IRX4: variants seen among roughly 807,000 people sequenced by gnomAD.
IRX4 encodes the protein iroquois homeobox 4.
IRX4 carries 22 observed loss-of-function variants against 32.0 expected under a neutral mutation model. The ratio of observed to expected loss-of-function variants is 0.69; its 90% CI spans 0.49 to 0.98. IRX4 has a LOEUF of 0.98. Ranked by LOEUF, IRX4 falls within the 50% of genes least tolerant of loss-of-function variation. The pLI, the probability that IRX4 is intolerant of heterozygous loss-of-function variation, is 0.00. For missense variants in IRX4, 840 were observed against 744.2 expected (o/e 1.13, Z -1.50); for synonymous variants, 379 against 351.7 (o/e 1.08, Z -0.87).
rs577472404 is a variant in IRX4, at chr5:1,877,638, C to A, written c.*331G>T. The A allele has an allele frequency of 6.0e-6, 2 of 334,390 alleles. No homozygotes were observed. The highest frequency in any genetic ancestry group is 5.1e-5 in the South Asian group (1 of 19,434). 20.7% of individuals were successfully genotyped at this position (334,390 alleles called of 1,614,324 possible). A position where few individuals can be genotyped will look rare whatever the true frequency, so the allele number is the denominator to read the frequency against. ...GCCTCACGCCCAGGGGACAGCAGACCACGCTTCAGAACGGAACCGCCTTCT... is the reference window on the plus strand; with the variant it reads ...GCCTCACGCCCAGGGGACAGCAGACAACGCTTCAGAACGGAACCGCCTTCT... On this transcript the variant is annotated 3_prime_UTR_variant, in exon 5 of 5. Coordinates refer to ENST00000231357, the MANE Select transcript of IRX4 (RefSeq NM_016358.3).
rs1332643776 is a variant in IRX4 at position 1,878,457 on chromosome 5, C to T, written c.1072G>A (p.Ala358Thr). The T allele has an allele frequency of 6.9e-7, 1 of 1,456,382 alleles. No homozygotes were observed. The highest frequency in any genetic ancestry group is 1.4e-5 in the South Asian group (1 of 70,880). The allele number at this position is 1,456,382 out of a possible 1,614,324, so 90.2% of individuals were successfully genotyped here. A position where few individuals can be genotyped will look rare whatever the true frequency, so the allele number is the denominator to read the frequency against. ...EAKLGFVPAG[A>T]SAGLEAKPRI... ...GGCTTAGCCTCCAGGCCTGCCGACG[C>T]CCCCGCCGGCACAAACCCCAGCTTG... Residue 358 changes from alanine (A) to threonine (T), a missense_variant, in exon 5 of 5, where the codon GCG becomes ACG. By Grantham distance (58) the Ala-to-Thr change is moderately conservative. Around this residue, in one of 3 missense-constraint regions of IRX4, gnomAD observed 585 missense variants for 488.0 expected, o/e 1.20. Coordinates refer to ENST00000231357, the MANE Select transcript of IRX4 (RefSeq NM_016358.3).
chr5:1,877,873 G>T lies in IRX4; in HGVS notation c.*96C>A. ...CTCTCCGGTGGGTTGGCGGCTTCGC[G>T]GTGGCCGCGCTAGTCTTCCTCTGGA... On this transcript the variant is annotated 3_prime_UTR_variant, in exon 5 of 5. Coordinates refer to ENST00000231357, the MANE Select transcript of IRX4 (RefSeq NM_016358.3). The T allele has an allele frequency of 8.5e-7, 1 of 1,181,626 alleles. No individual in the cohort carries two copies. Among genetic ancestry groups the T allele is most frequent in the East Asian group, 2.8e-5 (1 of 35,190 alleles). The allele number at this position is 1,181,626 out of a possible 1,614,324, so 73.2% of individuals were successfully genotyped here.
intron 3 of IRX4, among the ~76,000 whole-genome samples, chr5:1,880,369 A>G (rs1735384361): frequency 6.6e-6 from 1 of 152,208 alleles, no homozygotes; most frequent in Non-Finnish European, 1.5e-5. Flanking sequence ...TTCCCACTGT[A>G]GGGGCAGTGT....
In IRX4 at chr5:1,882,888, G is replaced by A. The variant is rs1356615810; in HGVS notation, c.-241C>T. The A allele has an allele frequency of 2.3e-5, 9 of 385,972 alleles. No individual in the cohort carries two copies. The highest frequency in any genetic ancestry group is 9.0e-5 in the Admixed American group (2 of 22,254). 23.9% of individuals were successfully genotyped at this position (385,972 alleles called of 1,614,324 possible). A position where few individuals can be genotyped will look rare whatever the true frequency, so the allele number is the denominator to read the frequency against. ...GGAGGCTCGAGGGGGCTCTGGGACC[G>A]AGCGGCCTCGCAGCGGCGACAGAAA... On this transcript the variant is annotated 5_prime_UTR_variant, in exon 1 of 5. Coordinates refer to ENST00000231357, the MANE Select transcript of IRX4 (RefSeq NM_016358.3).
rs374621441 is a variant in IRX4 at position 1,881,904 on chromosome 5, G to A, written c.201C>T (p.Ala67=). 1.1e-5 allele frequency: 17 copies of A among 1,584,572 alleles called. No homozygotes were observed. In the Admixed American group the frequency reaches 2.6e-4, roughly 25 times the overall value. The change falls in exon 2 of 5, where the codon GCC becomes GCT. Residue 67 remains alanine (A), a synonymous_variant. Coordinates refer to ENST00000231357, the MANE Select transcript of IRX4 (RefSeq NM_016358.3). ...LATARHELNS[A]AALGVYGGPY... is the part of the protein sequence containing the mutation. Reference sequence around the variant, plus strand: ...GACCCCCATAGACGCCCAGCGCCGCGGCCGAGTTGAGCTCGTGGCGCGCGG... The same window carrying A: ...GACCCCCATAGACGCCCAGCGCCGCAGCCGAGTTGAGCTCGTGGCGCGCGG...
Position 1,877,931 on chromosome 5 carries a change from G to C in IRX4, c.*38C>G. ...TGAAAAGAGTCGGCGCCGTCCGCCT[G>C]AGCGCGGGTTCCCTCCTGGGCTCGG... is the stretch of plus-strand genomic sequence containing the variant. On this transcript the variant is annotated 3_prime_UTR_variant, in exon 5 of 5. Transcript: ENST00000231357. The C allele has an allele frequency of 6.8e-7, 1 of 1,472,060 alleles. No homozygotes were observed. The highest frequency in any genetic ancestry group is 9.0e-7 in the Non-Finnish European group (1 of 1,106,662). 91.2% of individuals were successfully genotyped at this position (1,472,060 alleles called of 1,614,324 possible).
rs1048121863 is a variant in IRX4 at position 1,879,786 on chromosome 5, C to T, written c.454G>A (p.Glu152Lys). Residue 152 changes from glutamate to lysine, a missense_variant, in exon 4 of 5, where the codon GAG (glutamate) becomes AAG (lysine). Coordinates refer to ENST00000231357, the MANE Select transcript of IRX4 (RefSeq NM_016358.3). ...SGTRRKNATR[E>K]TTSTLKAWLQ... is the part of the protein sequence containing the mutation. ...CAGGCCTTGAGCGTGCTGGTGGTCT[C>T]GCGCGTGGCGTTCTTGCGCCGCGTG... 6 of 1,614,118 alleles carry T rather than the reference C, an allele frequency of 3.7e-6. No individual in the cohort carries two copies. Among genetic ancestry groups the T allele is most frequent in the African/African-American group, 2.7e-5 (2 of 75,060 alleles).
At chr5:1,884,933 C>G (rs1735580689), upstream of IRX4, among the ~76,000 whole-genome samples, 1 of 152,010 alleles carries the variant, frequency 6.6e-6, no homozygotes, top group African/African-American at 2.4e-5. Flanking sequence ...ACTACTCGCT[C>G]TCTCCAGGTA....
At chr5:1,880,188 A>G (rs1735379379) in intron 3 of IRX4, 28 of 1,447,642 alleles carry the variant, frequency 1.9e-5, no homozygotes, top group Non-Finnish European at 2.6e-5. Flanking sequence ...ACACCCTGAG[A>G]TGTAACACGT....
At chr5:1,886,258 G>C (rs1281537085), upstream of IRX4, among the ~76,000 whole-genome samples, 1 of 152,250 alleles carries the variant, frequency 6.6e-6, no homozygotes, top group Non-Finnish European at 1.5e-5. Context: ...CGCACCAAGA[G>C]CTCGTCCGGA....
rs1485494364 is a variant in IRX4 at position 1,878,293 on chromosome 5, C to A, written c.1236G>T (p.Thr412=). 6.3e-7 allele frequency: 1 copy of A among 1,587,546 alleles called. No homozygotes were observed. The highest frequency in any genetic ancestry group is 1.8e-5 in the Admixed American group (1 of 56,658). The stretch of plus-strand genomic sequence containing the variant: ...AGTGGGGAAGGGCCACAGACGGGGA[C>A]GTGGCGGGCGCGGAGGACACAGCCG... ...APAAVSSAPA[T]SPSVALPHSG... The change falls in exon 5 of 5, where the codon ACG becomes ACT. Residue 412 remains threonine (T), a synonymous_variant. Transcript: ENST00000231357.
At chr5:1,880,455 C>T (rs1254923998) in intron 3 of IRX4, among the ~76,000 whole-genome samples, 1 of 152,202 alleles carries the variant, frequency 6.6e-6, no homozygotes, top group Non-Finnish European at 1.5e-5. Context: ...TTCGACTTCC[C>T]TGAAAGCTGC....
intron 4 of IRX4, 75 bp downstream of exon 4, chr5:1,879,429 C>G: frequency 6.3e-7 from 1 of 1,599,702 alleles, no homozygotes; most frequent in Non-Finnish European, 8.5e-7. Flanking sequence ...ACCCCCAAGA[C>G]GTCCTAGAAC....
At chr5:1,880,023 C>T (rs1735374734) in intron 3 of IRX4, 191 bp from the exon 4 acceptor site, 1 of 1,518,462 alleles carries the variant, frequency 6.6e-7, no homozygotes, top group Non-Finnish European at 8.8e-7. Context: ...TGGCACTTGT[C>T]TTCTGTGGCC....
At chr5:1,878,929 C>T in intron 4 of IRX4, 137 bp from the exon 5 acceptor site, 1 of 874,994 alleles carries the variant, frequency 1.1e-6, no homozygotes. Context: ...TCTCCCATTT[C>T]CTCCAGAGGC....
chr5:1,879,592 G>T lies in IRX4; in HGVS notation c.648C>A (p.Asp216Glu), dbSNP rs778606713. ...MTWPPRNKCA[D>E]EKRPYAEGEE... ...CGCCCTCCGCGTAGGGCCGCTTCTC[G>T]TCTGCGCACTTGTTCCGCGGCGGCC... Residue 216 changes from aspartate (D) to glutamate (E), a missense_variant, in exon 4 of 5, where the codon GAC becomes GAA. Transcript: ENST00000231357. 9 of 1,613,792 alleles carry T rather than the reference G, an allele frequency of 5.6e-6. No homozygotes were observed. The South Asian group carries it at 8.8e-5, about 16-fold the overall frequency.
chr5:1,879,575 G>A lies in IRX4; in HGVS notation c.665C>T (p.Ala222Val). 1.2e-6 allele frequency: 2 copies of A among 1,613,796 alleles called. No individual in the cohort carries two copies. The highest frequency in any genetic ancestry group is 1.1e-5 in the South Asian group (1 of 91,076). ...NKCADEKRPY[A>V]EGEEEEGGEE... is the part of the protein sequence containing the mutation. ...GCCCCCCTCCTCCTCCTCGCCCTCCGCGTAGGGCCGCTTCTCGTCTGCGCA... is the reference window on the plus strand; with the variant it reads ...GCCCCCCTCCTCCTCCTCGCCCTCCACGTAGGGCCGCTTCTCGTCTGCGCA... Residue 222 changes from alanine to valine, a missense_variant, in exon 4 of 5, where the codon GCG (alanine) becomes GTG (valine). Ala to Val is a moderately conservative substitution (Grantham distance 64). Coordinates refer to ENST00000231357, the MANE Select transcript of IRX4 (RefSeq NM_016358.3).
chr5:1,879,939 C>G, intron 3 of IRX4, 107 bp from the exon 4 acceptor site: 1 of 1,536,478 alleles, frequency 6.5e-7, no homozygotes, highest in Non-Finnish European at 8.7e-7. Context: ...GGCTTTGCTT[C>G]CCCGTCGTGG....
In IRX4 at chr5:1,878,737, G is replaced by T; in HGVS notation, c.792C>A (p.Asp264Glu). The part of the protein sequence containing the change: ...ELELSDLDDF[D>E]PLEAEPPACE... Reference sequence around the variant, plus strand: ...ACGCCGGCGGCTCTGCTTCCAGCGGGTCGAAGTCGTCCAAGTCACTAAGCT... The same window carrying T: ...ACGCCGGCGGCTCTGCTTCCAGCGGTTCGAAGTCGTCCAAGTCACTAAGCT... Residue 264 changes from aspartate (D) to glutamate (E), a missense_variant, in exon 5 of 5, where the codon GAC becomes GAA. This residue lies in a region of IRX4 where 585 missense variants were observed against 488.0 expected (regional missense o/e 1.20). Transcript: ENST00000231357. 1 of 1,613,062 alleles carries T rather than the reference G, an allele frequency of 6.2e-7. No homozygotes were observed.
Sources: allele counts gnomAD v4.1 joint callset (sites outside exome capture counted in the v4.1 genomes callset), GRCh38; gene constraint gnomAD v4.1.1; regional missense constraint gnomAD v4.1.1; transcripts MANE v1.5; gene names NCBI Gene and HGNC (gene_info 2026-07-23, HGNC 2026-07-21).